FGF9: variants seen among roughly 807,000 people sequenced by gnomAD.
The protein encoded by FGF9 is fibroblast growth factor 9.
A neutral mutation model predicts 19.9 loss-of-function variants in FGF9; 3 were observed. That is an observed-to-expected ratio of 0.15 (90% CI 0.07 to 0.39). FGF9 has a LOEUF of 0.39. Ranked by LOEUF, FGF9 falls within the 10% of genes least tolerant of loss-of-function variation. The pLI is 1.00. For missense variants in FGF9, 175 were observed against 256.8 expected, an observed-to-expected ratio of 0.68 and a Z score of 2.18; for synonymous variants, 107 against 106.9, an observed-to-expected ratio of 1.00 and a Z score of -0.01.
rs968771166 is a variant in FGF9 at position 21,691,638 on chromosome 13, G to A, written c.382-9552G>A. The stretch of plus-strand genomic sequence containing the variant: ...GGGCTGTCGTTCAGCGTCCTGGCCC[G>A]AGAGATGCCCTCCATCCTTACAAAG... On this transcript the variant is annotated intron_variant, in intron 2 of 2. Transcript: ENST00000382353. The surrounding 1 kb of genome is among the most constrained non-coding windows in gnomAD (Gnocchi z 4.2). Among the ~76,000 whole-genome samples, 6 of 152,190 alleles carry A rather than the reference G, an allele frequency of 3.9e-5. No homozygotes were observed. Among genetic ancestry groups the A allele is most frequent in the Admixed American group, 6.5e-5 (1 of 15,286 alleles).
rs573855498 is a variant in FGF9 at position 21,672,432 on chromosome 13, A to AG, written c.277+249dup. On this transcript the variant is annotated intron_variant, in intron 1 of 2. Transcript: ENST00000382353. This position sits in a 1 kb window ranked among gnomAD's most constrained non-coding sequence, Gnocchi z 4.2. Reference sequence around the variant, plus strand: ...GAAAGGCCCCCTACTTTTAATTTAAAGGGGGGCATAATTTATAAATATAAT... The same window carrying AG: ...GAAAGGCCCCCTACTTTTAATTTAAAGGGGGGGCATAATTTATAAATATAAT... Among the ~76,000 whole-genome samples, 109 of 152,338 alleles carry AG rather than the reference A, an allele frequency of 7.2e-4. No homozygotes were observed. Among genetic ancestry groups the AG allele is most frequent in the African/African-American group, 2.6e-3 (107 of 41,582 alleles).
At chr13:21,699,588 C>T (rs1460958506) in intron 2 of FGF9, among the ~76,000 whole-genome samples, 1 of 152,152 alleles carries the variant, frequency 6.6e-6, no homozygotes, top group Non-Finnish European at 1.5e-5. Flanking sequence ...TTTCTCCTCT[C>T]CTTTGCTCTC....
intron 1 of FGF9, among the ~76,000 whole-genome samples, chr13:21,673,599 G>T (rs1200303726): frequency 6.6e-6 from 1 of 152,242 alleles, no homozygotes; most frequent in Non-Finnish European, 1.5e-5. Context: ...GTTGCAAAGA[G>T]AAGACTAAAC....
intron 1 of FGF9, among the ~76,000 whole-genome samples, chr13:21,679,993 A>G (rs1872005264): frequency 6.6e-6 from 1 of 151,868 alleles, no homozygotes; most frequent in Non-Finnish European, 1.5e-5. Flanking sequence ...CAGTGTCCTA[A>G]ATATACTGTG....
In FGF9 at chr13:21,701,951, C is replaced by T. The variant is rs73430215; in HGVS notation, c.*516C>T. 6.6e-6 allele frequency: 1 copy of T among 151,620 alleles called. No individual in the cohort carries two copies. The highest frequency in any genetic ancestry group is 1.5e-5 in the Non-Finnish European group (1 of 68,012). The allele number at this position is 151,620 out of a possible 1,614,324, so 9.4% of individuals were successfully genotyped here. Reference sequence around the variant, plus strand: ...ACTTTCAGTTAATTCTCACTGGTATCATCGCAGTGAACTTAAAGCAAAGAC... The same window carrying T: ...ACTTTCAGTTAATTCTCACTGGTATTATCGCAGTGAACTTAAAGCAAAGAC... On this transcript the variant is annotated 3_prime_UTR_variant, in exon 3 of 3. Transcript: ENST00000382353.
chr13:21,687,683 C>A (rs767734945), intron 2 of FGF9, among the ~76,000 whole-genome samples: 1 of 152,216 alleles, frequency 6.6e-6, no homozygotes, highest in Non-Finnish European at 1.5e-5. Flanking sequence ...CCTGGGACAA[C>A]AAATGATCTC....
intron 2 of FGF9, among the ~76,000 whole-genome samples, chr13:21,681,799 C>G (rs970577157): frequency 6.6e-6 from 1 of 152,182 alleles, no homozygotes; most frequent in African/African-American, 2.4e-5. Flanking sequence ...GTCTACTCTT[C>G]CACTCTGTGG....
At chr13:21,674,377 A>C (rs1167557726) in intron 1 of FGF9, among the ~76,000 whole-genome samples, 1 of 70,710 alleles carries the variant, frequency 1.4e-5, no homozygotes, top group Non-Finnish European at 2.9e-5. Context: ...AGGGCCGCGG[A>C]GGCGGGCGGA....
At position 21,672,685 on chromosome 13, in the gene FGF9, G is replaced by A. The variant is rs1871797609; in HGVS notation, c.277+496G>A. 6.6e-6 allele frequency among the ~76,000 whole-genome samples: 1 copy of A among 152,116 alleles called. No individual in the cohort carries two copies. The highest frequency in any genetic ancestry group is 2.4e-5 in the African/African-American group (1 of 41,398). On this transcript the variant is annotated intron_variant, in intron 1 of 2. Transcript: ENST00000382353. The surrounding 1 kb of genome is among the most constrained non-coding windows in gnomAD (Gnocchi z 4.2). The stretch of plus-strand genomic sequence containing the variant: ...TTAAGTGCATTGTTTATTCTCCCCT[G>A]TGAGGGTCTGAAAGCCCCATAGGCG...
intron 1 of FGF9, among the ~76,000 whole-genome samples, chr13:21,673,100 G>A (rs1239162121): frequency 1.3e-5 from 2 of 151,896 alleles, no homozygotes; most frequent in East Asian, 3.9e-4. Flanking sequence ...CCAACGGCAC[G>A]AAGTCAACTA....
At chr13:21,686,193 T>A (rs1593094983) in intron 2 of FGF9, among the ~76,000 whole-genome samples, 2 of 152,326 alleles carry the variant, frequency 1.3e-5, no homozygotes, top group East Asian at 3.9e-4. Context: ...CAAGCCTGGC[T>A]AATTTTTGTG....
chr13:21,676,616 G>T (rs951271509), intron 1 of FGF9, among the ~76,000 whole-genome samples: 3 of 152,208 alleles, frequency 2.0e-5, no homozygotes, highest in African/African-American at 7.2e-5. Flanking sequence ...TGGCAGCCCT[G>T]GTTCGAGCTT....
rs1871796035 is a variant in FGF9 at position 21,672,614 on chromosome 13, T to TAAAGGCCCAAA, written c.277+425_277+426insAAAGGCCCAAA. Among the ~76,000 whole-genome samples the TAAAGGCCCAAA allele has an allele frequency of 6.6e-6, 1 of 152,236 alleles. No individual in the cohort carries two copies. Among genetic ancestry groups the TAAAGGCCCAAA allele is most frequent in the South Asian group, 2.1e-4 (1 of 4,836 alleles). On this transcript the variant is annotated intron_variant, in intron 1 of 2. Coordinates refer to ENST00000382353, the MANE Select transcript of FGF9 (RefSeq NM_002010.3). This position sits in a 1 kb window ranked among gnomAD's most constrained non-coding sequence, Gnocchi z 4.2. ...ATCTTGTGCCCAAATTAAGGTTTTT[T>TAAAGGCCCAAA]TCCTTTCCCCCTTTCCTCTAGTAAG...
At chr13:21,678,912 A>C (rs561134558) in intron 1 of FGF9, among the ~76,000 whole-genome samples, 30 of 152,348 alleles carry the variant, frequency 2.0e-4, no homozygotes, top group African/African-American at 7.0e-4. Context: ...CAGGTTACTA[A>C]GAAGATATTC....
chr13:21,675,167 T>C (rs1160425041), intron 1 of FGF9, among the ~76,000 whole-genome samples: 2 of 151,452 alleles, frequency 1.3e-5, no homozygotes, highest in Non-Finnish European at 2.9e-5. Flanking sequence ...AAGGGCGCTC[T>C]GGCGCTCCGC....
chr13:21,689,057 G>A (rs890074266), intron 2 of FGF9, among the ~76,000 whole-genome samples: 9 of 152,178 alleles, frequency 5.9e-5, no homozygotes, highest in African/African-American at 1.9e-4. Flanking sequence ...GAGGAATATT[G>A]TCGTGGGTTC....
chr13:21,688,707 T>TG (rs1237009888), intron 2 of FGF9, among the ~76,000 whole-genome samples: 1 of 151,902 alleles, frequency 6.6e-6, no homozygotes, highest in Non-Finnish European at 1.5e-5. Context: ...AACCATATAG[T>TG]GGGGCAAGGT....
chr13:21,686,175 C>T (rs1277189507), intron 2 of FGF9, among the ~76,000 whole-genome samples: 7 of 152,134 alleles, frequency 4.6e-5, no homozygotes, highest in Non-Finnish European at 7.3e-5. Context: ...GATTACAGTG[C>T]GTGCCACCAA....
Position 21,671,788 on chromosome 13 carries a change from CTT to C in FGF9, c.-118_-117del. The C allele has an allele frequency of 9.4e-7, 1 of 1,062,384 alleles. No homozygotes were observed. Among genetic ancestry groups the C allele is most frequent in the Non-Finnish European group, 1.4e-6 (1 of 704,310 alleles). The allele number at this position is 1,062,384 out of a possible 1,614,324, so 65.8% of individuals were successfully genotyped here. ...CATTTAATGGATTGAAGAAAAGAAC[CTT>C]TTTTTTCTCTCTCTCTCTGCAACTG... On this transcript the variant is annotated 5_prime_UTR_variant, in exon 1 of 3. Transcript: ENST00000382353.
Sources: allele counts gnomAD v4.1 joint callset (sites outside exome capture counted in the v4.1 genomes callset), GRCh38; gene constraint gnomAD v4.1.1; non-coding constraint Gnocchi (gnomAD v3.1); transcripts MANE v1.5; gene names NCBI Gene and HGNC (gene_info 2026-07-23, HGNC 2026-07-21).